The following SND1 variants were observed in gnomAD, a reference collection of about 807,000 sequenced individuals.
SND1 encodes the protein staphylococcal nuclease and tudor domain containing 1.
Under a neutral mutation model 121.7 loss-of-function variants are expected in SND1, and 38 were observed. The ratio of observed to expected loss-of-function variants is 0.31; its 90% CI spans 0.24 to 0.41. The LOEUF (loss-of-function observed/expected upper bound fraction) is 0.41, where lower values mean the gene tolerates loss of function less well. Ranked by LOEUF, SND1 falls within the 10% of genes least tolerant of loss-of-function variation. SND1 has a pLI of 1.00. For synonymous variants in SND1, 401 were observed against 447.4 expected, an observed-to-expected ratio of 0.90 and a Z score of 1.31; for missense variants, 868 against 1,184.6, an observed-to-expected ratio of 0.73 and a Z score of 3.92.
At chr7:127,673,267 T>C (rs1587585168) in intron 1 of SND1, among the ~76,000 whole-genome samples, 1 of 150,044 alleles carries the variant, frequency 6.7e-6, no homozygotes, top group East Asian at 1.9e-4. Flanking sequence ...TTATAATATG[T>C]AACTAGTACT....
chr7:127,891,146 A>G (rs889205601), intron 13 of SND1, among the ~76,000 whole-genome samples: 10 of 152,078 alleles, frequency 6.6e-5, no homozygotes, highest in African/African-American at 2.4e-4. Context: ...AAAGATCAGA[A>G]TGCTTGCTAG....
Position 128,059,159 on chromosome 7 carries a change from C to A in SND1, c.1780-15343C>A, listed in dbSNP as rs144880822. Among the ~76,000 whole-genome samples the A allele has an allele frequency of 8.6e-3, 1,307 of 152,272 alleles. 10 individuals are homozygous for A. The highest frequency in any genetic ancestry group is 0.029 in the South Asian group (140 of 4,822). On this transcript the variant is annotated intron_variant, in intron 16 of 23. Transcript: ENST00000354725. ...ATGCTGGAACATGTCTGCCTTTCTC[C>A]CCACCTGTGAAGTCCCATCCTTTAA...
chr7:128,051,761 G>A (rs117450386), intron 16 of SND1, among the ~76,000 whole-genome samples: 1,663 of 152,334 alleles, frequency 0.011, 22 homozygotes, highest in Middle Eastern at 0.017. Flanking sequence ...TTGTCATGTG[G>A]AAGGAGGCAA....
intron 16 of SND1, among the ~76,000 whole-genome samples, chr7:128,037,115 TC>T (rs1792764089): frequency 6.6e-6 from 1 of 152,180 alleles, no homozygotes; most frequent in Non-Finnish European, 1.5e-5. Flanking sequence ...CCATAACAAA[TC>T]ACCACATAGT....
In SND1 at chr7:128,062,064, T is replaced by C. The variant is rs934533195; in HGVS notation, c.1780-12438T>C. On this transcript the variant is annotated intron_variant, in intron 16 of 23. Coordinates refer to ENST00000354725, the MANE Select transcript of SND1 (RefSeq NM_014390.4). ...CACAGTGTCCAGATCTTCTCTCTAC[T>C]GTGCCTAAAGGCAGCTCCTTAGTCG... 3.9e-5 allele frequency among the ~76,000 whole-genome samples: 6 copies of C among 152,370 alleles called. No individual in the cohort carries two copies. The South Asian group carries it at 1.2e-3, about 32-fold the overall frequency.
At chr7:127,667,280 A>G (rs1419896442) in intron 1 of SND1, among the ~76,000 whole-genome samples, 1 of 152,212 alleles carries the variant, frequency 6.6e-6, no homozygotes, top group Non-Finnish European at 1.5e-5. Flanking sequence ...AAAAGTGTGC[A>G]TGACTTTACA....
At chr7:127,730,043 AGCCTCT>A (rs887968245) in intron 10 of SND1, among the ~76,000 whole-genome samples, 2 of 151,774 alleles carry the variant, frequency 1.3e-5, no homozygotes, top group South Asian at 2.1e-4. Context: ...GGGTCACCAC[AGCCTCT>A]GCCTCTGCCT....
intron 15 of SND1, among the ~76,000 whole-genome samples, chr7:127,986,039 C>T (rs1802380264): frequency 6.6e-6 from 1 of 152,212 alleles, no homozygotes; most frequent in Admixed American, 6.5e-5. Context: ...CAATTTGTCA[C>T]ACTTCCCTTA....
Position 128,074,492 on chromosome 7 carries a change from T to A in SND1, c.1780-10T>A. Reference sequence around the variant, plus strand: ...GCCCCCACAGGCTTACGCCTGTCTCTCTGTCCCAGGTGGAGGTGGAGGTGG... The same window carrying A: ...GCCCCCACAGGCTTACGCCTGTCTCACTGTCCCAGGTGGAGGTGGAGGTGG... On this transcript the variant is annotated splice_polypyrimidine_tract_variant and intron_variant, in intron 16 of 23. Transcript: ENST00000354725. The A allele has an allele frequency of 1.2e-6, 2 of 1,606,294 alleles. No individual in the cohort carries two copies. Among genetic ancestry groups the A allele is most frequent in the Non-Finnish European group, 1.7e-6 (2 of 1,174,810 alleles).
At chr7:127,694,758 A>G in intron 2 of SND1, 70 bp from the exon 3 acceptor site, 1 of 1,581,328 alleles carries the variant, frequency 6.3e-7, no homozygotes, top group Non-Finnish European at 8.6e-7. Flanking sequence ...GAAGGTATGA[A>G]GTTGCTTGAA....
chr7:127,778,736 T>G (rs1016264935), intron 10 of SND1, among the ~76,000 whole-genome samples: 3 of 152,210 alleles, frequency 2.0e-5, no homozygotes, highest in African/African-American at 7.2e-5. Context: ...TTATGCATAA[T>G]AGACATTTGA....
chr7:127,844,305 C>G lies in SND1; in HGVS notation c.1243-19C>G, dbSNP rs756469397. 1 of 1,608,376 alleles carries G rather than the reference C, an allele frequency of 6.2e-7. No individual in the cohort carries two copies. Among genetic ancestry groups the G allele is most frequent in the African/African-American group, 1.3e-5 (1 of 74,890 alleles). Reference sequence around the variant, plus strand: ...GTTGCAGACTCTCAACCCTAATTCCCTTGATTCTTTGTTTCCAGGTCAATG... The same window carrying G: ...GTTGCAGACTCTCAACCCTAATTCCGTTGATTCTTTGTTTCCAGGTCAATG... On this transcript the variant is annotated intron_variant, in intron 11 of 23. Transcript: ENST00000354725.
intron 11 of SND1, among the ~76,000 whole-genome samples, chr7:127,824,240 T>A (rs551180039): frequency 6.6e-6 from 1 of 152,352 alleles, no homozygotes; most frequent in Non-Finnish European, 1.5e-5. Context: ...AAATCTGATT[T>A]TATATACATC....
At chr7:127,875,162 A>G (rs966522856) in intron 12 of SND1, among the ~76,000 whole-genome samples, 4 of 152,236 alleles carry the variant, frequency 2.6e-5, no homozygotes, top group Admixed American at 1.3e-4. Flanking sequence ...CAAAAATTCT[A>G]TGACTCAGTC....
At chr7:127,925,642 T>C (rs1800813837) in intron 14 of SND1, among the ~76,000 whole-genome samples, 1 of 151,632 alleles carries the variant, frequency 6.6e-6, no homozygotes, top group Non-Finnish European at 1.5e-5. Flanking sequence ...TTCACTTTTG[T>C]CACCCAGGCT....
At chr7:127,720,626 G>A (rs745472786) in intron 9 of SND1, among the ~76,000 whole-genome samples, 30 of 152,154 alleles carry the variant, frequency 2.0e-4, no homozygotes, top group Non-Finnish European at 3.2e-4. Context: ...TTTCTTCTGA[G>A]CGTGGGGTTC....
chr7:128,086,597 A>C, intron 20 of SND1: 1 of 363,806 alleles, frequency 2.7e-6, no homozygotes, highest in Non-Finnish European at 5.2e-6. Context: ...GCCTGTGGGA[A>C]CGTAGTCAGG....
intron 14 of SND1, among the ~76,000 whole-genome samples, chr7:127,925,625 A>G (rs1199545805): frequency 6.7e-6 from 1 of 149,882 alleles, no homozygotes; most frequent in African/African-American, 2.5e-5. Context: ...TTTTTTTGAA[A>G]TGGAGTTTCA....
In SND1 at chr7:128,029,268, G is replaced by A. The variant is rs752614906; in HGVS notation, c.1779+38212G>A. 2.5e-6 allele frequency: 4 copies of A among 1,614,038 alleles called. No homozygotes were observed. The highest frequency in any genetic ancestry group is 2.2e-5 in the East Asian group (1 of 44,896). ...AGGCGAGATCTCCGTGGTCTCCACT[G>A]TTACTGTGGTGAAGAAGCTGTAGTT... On this transcript the variant is annotated intron_variant, in intron 16 of 23. Coordinates refer to ENST00000354725, the MANE Select transcript of SND1 (RefSeq NM_014390.4). This position sits in a 1 kb window ranked among gnomAD's most constrained non-coding sequence, Gnocchi z 4.2.
Sources: gnomAD v4.1 joint callset for allele counts (sites outside exome capture counted in the v4.1 genomes callset) on GRCh38, gnomAD v4.1.1 for gene constraint, Gnocchi (gnomAD v3.1) non-coding constraint, MANE v1.5 for transcripts, NCBI Gene and HGNC (gene_info 2026-07-23, HGNC 2026-07-21) for gene names.